MRTFA: variants seen among roughly 807,000 people sequenced by gnomAD.
MRTFA encodes myocardin related transcription factor A.
Under a neutral mutation model 83.5 loss-of-function variants are expected in MRTFA, and 20 were observed. The ratio of observed to expected loss-of-function variants is 0.24; its 90% CI spans 0.17 to 0.35. The LOEUF (loss-of-function observed/expected upper bound fraction) is 0.35, where lower values mean the gene tolerates loss of function less well. Ranked by LOEUF, MRTFA falls within the 10% of genes least tolerant of loss-of-function variation. The probability of loss-of-function intolerance (pLI) is 1.00; values close to 1 mark genes in which losing one functional copy is unlikely to be tolerated. For synonymous variants in MRTFA, 659 were observed against 541.2 expected (o/e 1.22, Z -3.02); for missense variants, 1,200 against 1,224.7 (o/e 0.98, Z 0.30).
intron 7 of MRTFA, among the ~76,000 whole-genome samples, chr22:40,427,169 T>A (rs989138671): frequency 2.6e-5 from 4 of 152,156 alleles, no homozygotes; most frequent in African/African-American, 9.7e-5. Context: ...GGCTGCAGCA[T>A]CCAGAACTGG....
chr22:40,573,245 G>A (rs892532175), intron 2 of MRTFA, among the ~76,000 whole-genome samples: 1 of 152,010 alleles, frequency 6.6e-6, no homozygotes. Context: ...TGTATTTTTG[G>A]TCTTTTTTTT....
intron 3 of MRTFA, among the ~76,000 whole-genome samples, chr22:40,547,853 CAAA>C (rs1056609474): frequency 5.9e-5 from 3 of 51,248 alleles, no homozygotes; most frequent in Admixed American, 4.3e-4. Flanking sequence ...GACTGTCTCC[CAAA>C]AAAAAAAAAA....
intron 3 of MRTFA, among the ~76,000 whole-genome samples, chr22:40,484,142 T>A (rs778037696): frequency 6.6e-6 from 1 of 151,454 alleles, no homozygotes; most frequent in South Asian, 2.1e-4. Flanking sequence ...CAAATGTTTA[T>A]GTATCAAGTT....
chr22:40,517,203 G>T (rs962965100), intron 3 of MRTFA, among the ~76,000 whole-genome samples: 2 of 152,220 alleles, frequency 1.3e-5, no homozygotes, highest in Non-Finnish European at 2.9e-5. Flanking sequence ...GATTACAGGT[G>T]TGAGTCACTG....
intron 5 of MRTFA, among the ~76,000 whole-genome samples, chr22:40,432,472 C>A (rs1322660892): frequency 6.6e-6 from 1 of 152,002 alleles, no homozygotes; most frequent in Non-Finnish European, 1.5e-5. Context: ...CAGAGCCATC[C>A]CACCAAACGG....
chr22:40,550,095 TA>T (rs1242144483), intron 3 of MRTFA, among the ~76,000 whole-genome samples: 2 of 150,004 alleles, frequency 1.3e-5, no homozygotes, highest in East Asian at 3.9e-4. Flanking sequence ...GATTGATAGA[TA>T]TCTGTGTTAT....
chr22:40,572,764 T>A (rs2055814276), intron 2 of MRTFA, among the ~76,000 whole-genome samples: 1 of 152,250 alleles, frequency 6.6e-6, no homozygotes, highest in South Asian at 2.1e-4. Flanking sequence ...AGAGAGAGCT[T>A]GTGCAGGGAA....
At chr22:40,502,624 A>G (rs2054512371) in intron 3 of MRTFA, among the ~76,000 whole-genome samples, 1 of 147,184 alleles carries the variant, frequency 6.8e-6, no homozygotes. Flanking sequence ...GGCCAGGCAG[A>G]GACACTCCTC....
In MRTFA at chr22:40,418,542, G is replaced by A. The variant is rs748627198; in HGVS notation, c.2196C>T (p.Pro732=). Residue 732 remains proline, a synonymous_variant, in exon 12 of 15, where the codon CCC becomes CCT. Transcript: ENST00000355630. The stretch of plus-strand genomic sequence containing the variant: ...GCAACTGGGGGGCGGGGACCGGCTC[G>A]GGCTCAGGCTGCAAGGCTTCCTGCT... 20 of 1,583,356 alleles carry A rather than the reference G, an allele frequency of 1.3e-5. No individual in the cohort carries two copies. The highest frequency in any genetic ancestry group is 1.7e-4 in the Middle Eastern group (1 of 5,900).
chr22:40,580,438 A>G (rs905158843), intron 2 of MRTFA, among the ~76,000 whole-genome samples: 1 of 152,076 alleles, frequency 6.6e-6, no homozygotes, highest in Non-Finnish European at 1.5e-5. Context: ...GCCTCAATCG[A>G]TCCTCCCACC....
chr22:40,421,644 T>C (rs1569255044), intron 9 of MRTFA, among the ~76,000 whole-genome samples: 1 of 152,182 alleles, frequency 6.6e-6, no homozygotes, highest in Non-Finnish European at 1.5e-5. Context: ...CTCCTATTCA[T>C]GCCCCCAAAG....
At chr22:40,558,453 T>C (rs1290582427) in intron 2 of MRTFA, among the ~76,000 whole-genome samples, 3 of 151,948 alleles carry the variant, frequency 2.0e-5, no homozygotes, top group Admixed American at 1.3e-4. Flanking sequence ...AATTTACTTA[T>C]CACTAATTCA....
chr22:40,610,325 G>A (rs1020700266), intron 1 of MRTFA, among the ~76,000 whole-genome samples: 3 of 152,080 alleles, frequency 2.0e-5, no homozygotes, highest in Admixed American at 6.6e-5. Context: ...TGAGATTACA[G>A]GCATAAGCCA....
At chr22:40,546,506 T>C (rs574559041) in intron 3 of MRTFA, among the ~76,000 whole-genome samples, 1 of 152,308 alleles carries the variant, frequency 6.6e-6, no homozygotes, top group East Asian at 1.9e-4. Context: ...GCATAAAGAC[T>C]AAAGAGGGCT....
intron 3 of MRTFA, among the ~76,000 whole-genome samples, chr22:40,481,826 C>T (rs2147186047): frequency 6.6e-6 from 1 of 152,074 alleles, no homozygotes; most frequent in Middle Eastern, 3.4e-3. Flanking sequence ...TTTGGGAGGC[C>T]AAGACAGGCA....
chr22:40,528,600 G>A (rs562729252), intron 3 of MRTFA, among the ~76,000 whole-genome samples: 10 of 152,188 alleles, frequency 6.6e-5, no homozygotes, highest in Non-Finnish European at 1.5e-4. Context: ...AGCAGGGCAT[G>A]GTGGTACATG....
At chr22:40,541,815 T>C (rs2055295576) in intron 3 of MRTFA, among the ~76,000 whole-genome samples, 1 of 151,912 alleles carries the variant, frequency 6.6e-6, no homozygotes, top group South Asian at 2.1e-4. Flanking sequence ...TACAGGTGCC[T>C]GCCACCACGC....
chr22:40,529,699 CA>C (rs1238545407), intron 3 of MRTFA, among the ~76,000 whole-genome samples: 3 of 152,114 alleles, frequency 2.0e-5, no homozygotes, highest in African/African-American at 7.2e-5. Flanking sequence ...AAGGATAAAT[CA>C]AACAGAACAC....
intron 3 of MRTFA, among the ~76,000 whole-genome samples, chr22:40,529,114 CTT>C (rs2055030829): frequency 6.6e-6 from 1 of 152,112 alleles, no homozygotes; most frequent in Non-Finnish European, 1.5e-5. Context: ...AAGGGAAAAA[CTT>C]ATATGTCCAC....
Sources: allele counts gnomAD v4.1 joint callset (sites outside exome capture counted in the v4.1 genomes callset), GRCh38; gene constraint gnomAD v4.1.1; transcripts MANE v1.5; gene names NCBI Gene and HGNC (gene_info 2026-07-23, HGNC 2026-07-21).